Variants in PGPEP1 observed in about 807,000 individuals in gnomAD.
The protein encoded by PGPEP1 is pyroglutamyl-peptidase 1.
In PGPEP1, 15 loss-of-function variants were observed where a neutral mutation model predicts 24.1. That is an observed-to-expected ratio of 0.62 (90% confidence interval 0.42 to 0.96). The LOEUF is 0.96. Among genes scored for constraint, PGPEP1 ranks in the 40% least tolerant of loss-of-function variants. The pLI is 0.00. For synonymous variants in PGPEP1, 122 were observed against 116.4 expected, an observed-to-expected ratio of 1.05 and a Z score of -0.31; for missense variants, 242 against 273.4, an observed-to-expected ratio of 0.89 and a Z score of 0.81.
intron 4 of PGPEP1, among the ~76,000 whole-genome samples, chr19:18,359,512 T>C (rs1219653705): frequency 6.6e-6 from 1 of 150,454 alleles, no homozygotes; most frequent in Non-Finnish European, 1.5e-5. Flanking sequence ...TCCAGTCTTT[T>C]TTTTTTTTTT....
At chr19:18,351,055 T>TC (rs1369334294) in intron 2 of PGPEP1, among the ~76,000 whole-genome samples, 1 of 151,996 alleles carries the variant, frequency 6.6e-6, no homozygotes, top group Non-Finnish European at 1.5e-5. Context: ...GGGCGGATCA[T>TC]GAGGTCAGGA....
intron 2 of PGPEP1, among the ~76,000 whole-genome samples, chr19:18,346,741 A>G (rs1283305337): frequency 2.7e-5 from 4 of 149,162 alleles, no homozygotes. Flanking sequence ...CCCAGGTTCA[A>G]GCAATTCTCC....
intron 2 of PGPEP1, among the ~76,000 whole-genome samples, chr19:18,352,529 G>A (rs978474422): frequency 1.7e-4 from 26 of 151,834 alleles, no homozygotes; most frequent in Admixed American, 1.4e-3. Flanking sequence ...TTGACGGAAC[G>A]GATGGTGGGG....
In PGPEP1 at chr19:18,366,874, C is replaced by G. The variant is rs1971566228; in HGVS notation, c.*3291C>G. On this transcript the variant is annotated 3_prime_UTR_variant, in exon 5 of 5. Transcript: ENST00000269919. ...TTGGCTTAAAATATCCTCATGTGGG[C>G]TAGGTGTGGTTACTCACACCTGTAA... The G allele has an allele frequency of 6.6e-6, 1 of 152,036 alleles. No individual in the cohort carries two copies. Among genetic ancestry groups the G allele is most frequent in the Non-Finnish European group, 1.5e-5 (1 of 68,050 alleles). 9.4% of individuals were successfully genotyped at this position (152,036 alleles called of 1,614,324 possible). A position where few individuals can be genotyped will look rare whatever the true frequency, so the allele number is the denominator to read the frequency against.
intron 2 of PGPEP1, among the ~76,000 whole-genome samples, chr19:18,350,744 A>C (rs781262526): frequency 3.3e-5 from 5 of 152,224 alleles, no homozygotes; most frequent in Non-Finnish European, 4.4e-5. Context: ...TAGACTGCTG[A>C]GTGGAGCAAA....
At chr19:18,352,765 A>G (rs1251088665) in intron 2 of PGPEP1, among the ~76,000 whole-genome samples, 1 of 151,992 alleles carries the variant, frequency 6.6e-6, no homozygotes, top group African/African-American at 2.4e-5. Flanking sequence ...CATGTTGACC[A>G]GGGTAGTCTC....
rs2144591997 is a variant in PGPEP1, at chr19:18,365,615, A to T, written c.*2032A>T. 1 of 152,398 alleles carries T rather than the reference A, an allele frequency of 6.6e-6. No individual in the cohort carries two copies. The highest frequency in any genetic ancestry group is 2.4e-5 in the African/African-American group (1 of 41,564). The allele number at this position is 152,398 out of a possible 1,614,324, so 9.4% of individuals were successfully genotyped here. A position where few individuals can be genotyped will look rare whatever the true frequency, so the allele number is the denominator to read the frequency against. On this transcript the variant is annotated 3_prime_UTR_variant, in exon 5 of 5. Transcript: ENST00000269919. ...TTTCTCGGCCTCCCAAAGTGCTGGG[A>T]TTACAGGCATGAGCCACTGCACCCA...
chr19:18,365,903 A>G lies in PGPEP1; in HGVS notation c.*2320A>G, dbSNP rs1283014148. 2 of 144,426 alleles carry G rather than the reference A, an allele frequency of 1.4e-5. No homozygotes were observed. Among genetic ancestry groups the G allele is most frequent in the African/African-American group, 5.2e-5 (2 of 38,200 alleles). 8.9% of individuals were successfully genotyped at this position (144,426 alleles called of 1,614,324 possible). A position where few individuals can be genotyped will look rare whatever the true frequency, so the allele number is the denominator to read the frequency against. On this transcript the variant is annotated 3_prime_UTR_variant, in exon 5 of 5. Transcript: ENST00000269919. The stretch of plus-strand genomic sequence containing the variant: ...CTGACAGGTGGAAATGAGTAGGGAC[A>G]CTATTGTTCCCTCCATGCCAGCTTT...
chr19:18,360,838 T>G (rs1485063235), intron 4 of PGPEP1, among the ~76,000 whole-genome samples: 1 of 151,980 alleles, frequency 6.6e-6, no homozygotes, highest in Middle Eastern at 3.4e-3. Flanking sequence ...TTTTATTTTA[T>G]TTTAGTTTTT....
At chr19:18,355,423 G>A (rs1262927045) in intron 2 of PGPEP1, among the ~76,000 whole-genome samples, 1 of 152,010 alleles carries the variant, frequency 6.6e-6, no homozygotes, top group Non-Finnish European at 1.5e-5. Context: ...ACTGCACCCA[G>A]CTAATTCTTG....
At chr19:18,355,745 A>G (rs886435779) in intron 2 of PGPEP1, 150 bp from the exon 3 acceptor site, 6 of 579,600 alleles carry the variant, frequency 1.0e-5, no homozygotes, top group Non-Finnish European at 1.9e-5. Context: ...GTGGGGAAGG[A>G]AATGAGGGGC....
Position 18,355,879 on chromosome 19 carries a change from C to T in PGPEP1, c.88-16C>T. 6.5e-7 allele frequency: 1 copy of T among 1,545,442 alleles called. No individual in the cohort carries two copies. Among genetic ancestry groups the T allele is most frequent in the Non-Finnish European group, 8.9e-7 (1 of 1,117,652 alleles). ...GTCATCTGGGGCCATGACACTCCCA[C>T]TCTCCTCTCTTCCAGGAGCTAGAAA... On this transcript the variant is annotated splice_polypyrimidine_tract_variant and intron_variant, in intron 2 of 4. Transcript: ENST00000269919.
rs552214879 is a variant in PGPEP1 at position 18,357,328 on chromosome 19, C to A, written c.205-55C>A. 4.1e-5 allele frequency: 57 copies of A among 1,376,984 alleles called. No individual in the cohort carries two copies. The East Asian group carries it at 1.3e-3, about 31-fold the overall frequency. The allele number at this position is 1,376,984 out of a possible 1,614,324, so 85.3% of individuals were successfully genotyped here. A position where few individuals can be genotyped will look rare whatever the true frequency, so the allele number is the denominator to read the frequency against. On this transcript the variant is annotated intron_variant, in intron 3 of 4. Coordinates refer to ENST00000269919, the MANE Select transcript of PGPEP1 (RefSeq NM_017712.4). ...TGCCTTTTCCCTGGCCTCAGGGGGA[C>A]CCCTCTGAGTCCCACGGGCAGGCCA...
intron 2 of PGPEP1, among the ~76,000 whole-genome samples, chr19:18,352,939 CAG>C (rs1971079267): frequency 6.8e-6 from 1 of 148,070 alleles, no homozygotes; most frequent in African/African-American, 2.5e-5. Context: ...TTCCTTGAGA[CAG>C]AGTTCTACTC....
rs1203329221 is a variant in PGPEP1, at chr19:18,363,962, A to C, written c.*379A>C. Reference sequence around the variant, plus strand: ...CGTTGGTGAAGGAATTTCAGAATTCATTTTATATCCAAGACTGGCTTTTAC... The same window carrying C: ...CGTTGGTGAAGGAATTTCAGAATTCCTTTTATATCCAAGACTGGCTTTTAC... On this transcript the variant is annotated 3_prime_UTR_variant, in exon 5 of 5. Coordinates refer to ENST00000269919, the MANE Select transcript of PGPEP1 (RefSeq NM_017712.4). 3 of 187,198 alleles carry C rather than the reference A, an allele frequency of 1.6e-5. No homozygotes were observed. The highest frequency in any genetic ancestry group is 2.3e-5 in the African/African-American group (1 of 42,792). 11.6% of individuals were successfully genotyped at this position (187,198 alleles called of 1,614,324 possible).
rs1367409153 is a variant in PGPEP1, at chr19:18,340,661, G to C, written c.-21G>C. The C allele has an allele frequency of 4.6e-6, 7 of 1,538,134 alleles. No homozygotes were observed. Among genetic ancestry groups the C allele is most frequent in the Non-Finnish European group, 5.2e-6 (6 of 1,145,668 alleles). On this transcript the variant is annotated 5_prime_UTR_variant, in exon 1 of 5. Coordinates refer to ENST00000269919, the MANE Select transcript of PGPEP1 (RefSeq NM_017712.4). ...CGCCAGTCGCAACAGAAGCAGGTCC[G>C]AGGCACAGCCCGATCCCGCCATGGA...
At position 18,367,843 on chromosome 19, in the gene PGPEP1, G is replaced by C. The variant is rs1043622695; in HGVS notation, c.*4260G>C. ...GATGGCAGTAGTTTCTCGGCAAGGA[G>C]GGGAATCCTGGAGATGGTTCATGTC... On this transcript the variant is annotated 3_prime_UTR_variant, in exon 5 of 5. Coordinates refer to ENST00000269919, the MANE Select transcript of PGPEP1 (RefSeq NM_017712.4). 6.6e-6 allele frequency: 1 copy of C among 152,204 alleles called. No individual in the cohort carries two copies. The highest frequency in any genetic ancestry group is 1.5e-5 in the Non-Finnish European group (1 of 68,112). The allele number at this position is 152,204 out of a possible 1,614,324, so 9.4% of individuals were successfully genotyped here. A position where few individuals can be genotyped will look rare whatever the true frequency, so the allele number is the denominator to read the frequency against.
intron 4 of PGPEP1, among the ~76,000 whole-genome samples, 173 bp from the exon 5 acceptor site, chr19:18,363,218 G>A (rs1371473674): frequency 1.3e-5 from 2 of 151,938 alleles, no homozygotes; most frequent in Non-Finnish European, 1.5e-5. Context: ...ACCACCTCTG[G>A]TGATTTTTTT....
rs1415004242 is a variant in PGPEP1, at chr19:18,357,546, A to C, written c.368A>C (p.Asp123Ala). The change falls in exon 4 of 5, where the codon GAT becomes GCT. Residue 123 changes from aspartate (D) to alanine (A), a missense_variant. Coordinates refer to ENST00000269919, the MANE Select transcript of PGPEP1 (RefSeq NM_017712.4). ...AGCATTGACTCCATCATCGACATGGATGCTGTGTGCAAGCGAGTCACCACG... is the reference window on the plus strand; with the variant it reads ...AGCATTGACTCCATCATCGACATGGCTGCTGTGTGCAAGCGAGTCACCACG... Reference protein sequence around the residue: ...PESIDSIIDMDAVCKRVTTLG... With the variant: ...PESIDSIIDMAAVCKRVTTLG... 1.9e-6 allele frequency: 3 copies of C among 1,613,340 alleles called. No homozygotes were observed. The highest frequency in any genetic ancestry group is 2.5e-6 in the Non-Finnish European group (3 of 1,179,730).
Sources: allele counts gnomAD v4.1 joint callset (sites outside exome capture counted in the v4.1 genomes callset), GRCh38; gene constraint gnomAD v4.1.1; transcripts MANE v1.5; gene names NCBI Gene and HGNC (gene_info 2026-07-23, HGNC 2026-07-21).